RARB: variants seen among roughly 807,000 people sequenced by gnomAD.
RARB encodes the protein retinoic acid receptor beta.
Under a neutral mutation model 51.9 loss-of-function variants are expected in RARB, and 17 were observed. That is an observed-to-expected ratio of 0.33 (90% CI 0.22 to 0.49). RARB has a LOEUF of 0.49. RARB is among the 20% of genes least tolerant of loss of function. The pLI, the probability that RARB is intolerant of heterozygous loss-of-function variation, is 0.99. For missense variants in RARB, 369 were observed against 550.8 expected (o/e 0.67, Z 3.30); for synonymous variants, 215 against 195.4 (o/e 1.10, Z -0.84).
chr3:25,472,801 A>G lies in RARB; in HGVS notation c.306+11460A>G, dbSNP rs373268772. On this transcript the variant is annotated intron_variant, in intron 2 of 7. Coordinates refer to ENST00000330688, the MANE Select transcript of RARB (RefSeq NM_000965.5). ...TGAGAAACTGGGAAAGCCTTACCCA[A>G]TAGAGGTAGACCTTTATCAGGGGTT... 1.2e-4 allele frequency among the ~76,000 whole-genome samples: 18 copies of G among 152,324 alleles called. No individual in the cohort carries two copies. The South Asian group carries it at 3.3e-3, about 28-fold the overall frequency.
At chr3:25,374,428 C>G (rs912249034) in intron 5 of RARB, among the ~76,000 whole-genome samples, 1 of 152,070 alleles carries the variant, frequency 6.6e-6, no homozygotes, top group Non-Finnish European at 1.5e-5. Flanking sequence ...ATGAACTGCC[C>G]TGATACCAGC....
At chr3:25,202,342 T>G (rs969802410) in intron 5 of RARB, among the ~76,000 whole-genome samples, 10 of 152,170 alleles carry the variant, frequency 6.6e-5, no homozygotes, top group African/African-American at 2.4e-4. Context: ...TTTATTAGTC[T>G]TCTTAGTGGT....
chr3:25,481,706 T>C (rs995175930), intron 2 of RARB, among the ~76,000 whole-genome samples: 1 of 152,208 alleles, frequency 6.6e-6, no homozygotes, highest in Non-Finnish European at 1.5e-5. Flanking sequence ...TTCACCTACA[T>C]CCAACTTACC....
At chr3:24,906,580 TG>T (rs1694868618) in intron 2 of RARB, among the ~76,000 whole-genome samples, 1 of 152,142 alleles carries the variant, frequency 6.6e-6, no homozygotes, top group African/African-American at 2.4e-5. Flanking sequence ...TGGTGACTCA[TG>T]CCTGTAATCC....
At chr3:25,374,223 T>C (rs559361014) in intron 5 of RARB, among the ~76,000 whole-genome samples, 127 of 152,044 alleles carry the variant, frequency 8.4e-4, no homozygotes, top group Non-Finnish European at 1.1e-3. Context: ...ATTCACACAC[T>C]ATGCTCAAAC....
chr3:24,969,403 G>A (rs1696344844), intron 2 of RARB, among the ~76,000 whole-genome samples: 1 of 152,076 alleles, frequency 6.6e-6, no homozygotes, highest in Non-Finnish European at 1.5e-5. Flanking sequence ...TTAAATAATA[G>A]TAATGATGTC....
intron 4 of RARB, among the ~76,000 whole-genome samples, chr3:25,145,352 G>A (rs1700169417): frequency 6.6e-6 from 1 of 152,066 alleles, no homozygotes. Flanking sequence ...TGGAAAACTA[G>A]GAACATATTG....
intron 5 of RARB, among the ~76,000 whole-genome samples, chr3:25,345,462 T>G (rs931815382): frequency 2.6e-5 from 4 of 152,030 alleles, no homozygotes; most frequent in African/African-American, 9.6e-5. Flanking sequence ...GTCAGGAGTT[T>G]GAGACCAGCC....
At chr3:25,369,627 A>T (rs13094358) in intron 5 of RARB, among the ~76,000 whole-genome samples, 29,341 of 152,212 alleles carry the variant, frequency 0.19, 3,642 homozygotes, top group Admixed American at 0.33. Context: ...AGATTCAAAG[A>T]TGTTCACTTT....
At chr3:24,922,457 G>A (rs1695235590) in intron 2 of RARB, among the ~76,000 whole-genome samples, 1 of 152,136 alleles carries the variant, frequency 6.6e-6, no homozygotes, top group Non-Finnish European at 1.5e-5. Context: ...AATCCTCACA[G>A]CAGTCGTAGG....
intron 5 of RARB, among the ~76,000 whole-genome samples, chr3:25,209,136 C>G (rs1701632824): frequency 1.3e-5 from 2 of 152,348 alleles, no homozygotes; most frequent in African/African-American, 2.4e-5. Flanking sequence ...ACAGTTTAGT[C>G]AAAACTTGGC....
chr3:25,148,747 A>G (rs1201228345), intron 4 of RARB, among the ~76,000 whole-genome samples: 1 of 152,208 alleles, frequency 6.6e-6, no homozygotes, highest in Non-Finnish European at 1.5e-5. Context: ...GATTGAACAT[A>G]ATTATATGTG....
chr3:25,318,063 C>G (rs1215123751), intron 5 of RARB, among the ~76,000 whole-genome samples: 2 of 152,180 alleles, frequency 1.3e-5, no homozygotes, highest in Non-Finnish European at 2.9e-5. Flanking sequence ...GCATGAGTTC[C>G]TCCAGCAAAA....
rs138499013 is a variant in RARB at position 25,025,690 on chromosome 3, C to A, written c.-379-34435C>A. Among the ~76,000 whole-genome samples the A allele has an allele frequency of 1.3e-3, 192 of 152,250 alleles. 1 individual carries two copies. The highest frequency in any genetic ancestry group is 4.5e-3 in the African/African-American group (188 of 41,546). On this transcript the variant is annotated intron_variant, in intron 2 of 11. Coordinates refer to the RARB transcript ENST00000383772. ...CCAGCTGCCAGGAGGGACATGGGCC[C>A]ACTGTAGCCTGGTATCCTGGGTTTC...
intron 2 of RARB, among the ~76,000 whole-genome samples, chr3:24,985,012 CAA>C (rs1362401485): frequency 6.6e-6 from 1 of 152,140 alleles, no homozygotes; most frequent in Non-Finnish European, 1.5e-5. Flanking sequence ...TTTCAGAATT[CAA>C]AGAGTTCATC....
At chr3:25,540,505 C>T (rs897902169) in intron 3 of RARB, among the ~76,000 whole-genome samples, 6 of 152,186 alleles carry the variant, frequency 3.9e-5, no homozygotes, top group African/African-American at 9.7e-5. Context: ...CCCTCATCCT[C>T]CTCCCCTTTT....
chr3:25,082,877 T>C (rs1699036472), intron 3 of RARB, among the ~76,000 whole-genome samples: 2 of 152,094 alleles, frequency 1.3e-5, no homozygotes, highest in South Asian at 2.1e-4. Context: ...GTCTAAACTT[T>C]TGTTACTCTG....
chr3:25,468,372 CTTTTTTTT>C (rs34870919), intron 2 of RARB, among the ~76,000 whole-genome samples: 1 of 81,694 alleles, frequency 1.2e-5, no homozygotes, highest in African/African-American at 5.1e-5. Flanking sequence ...GGCATTTGGG[CTTTTTTTT>C]TTTTTTTTTT....
At chr3:25,374,700 A>G (rs558115876) in intron 5 of RARB, among the ~76,000 whole-genome samples, 10 of 152,126 alleles carry the variant, frequency 6.6e-5, no homozygotes, top group Admixed American at 1.3e-4. Context: ...TGGAGAGTAG[A>G]TCATAGATCT....
Sources: allele counts gnomAD v4.1 joint callset (sites outside exome capture counted in the v4.1 genomes callset), GRCh38; gene constraint gnomAD v4.1.1; transcripts MANE v1.5; gene names NCBI Gene and HGNC (gene_info 2026-07-23, HGNC 2026-07-21).